The following CCDC141 variants were observed in gnomAD, a reference collection of about 807,000 sequenced individuals.
CCDC141 encodes coiled-coil domain-containing protein 141.
Under a neutral mutation model 181.0 loss-of-function variants are expected in CCDC141, and 168 were observed. The observed-to-expected ratio is 0.93, with a 90% CI of 0.82 to 1.05. The LOEUF (loss-of-function observed/expected upper bound fraction) is 1.05, where lower values mean the gene tolerates loss of function less well. Among genes scored for constraint, CCDC141 ranks in the 50% least tolerant of loss-of-function variants. CCDC141 has a pLI of 0.00. For synonymous variants in CCDC141, 666 were observed against 642.3 expected, an observed-to-expected ratio of 1.04 and a Z score of -0.56; for missense variants, 1,902 against 1,788.5, an observed-to-expected ratio of 1.06 and a Z score of -1.14.
intron 12 of CCDC141, among the ~76,000 whole-genome samples, chr2:178,872,686 C>T (rs1042604013): frequency 1.3e-5 from 2 of 152,164 alleles, no homozygotes; most frequent in African/African-American, 4.8e-5. Context: ...TTAACATGCT[C>T]ATTGGAATAC....
rs1429178522 is a variant in CCDC141 at position 178,871,461 on chromosome 2, C to T, written c.2171G>A (p.Arg724Gln). The T allele has an allele frequency of 3.7e-6, 6 of 1,613,048 alleles. No individual in the cohort carries two copies. Among genetic ancestry groups the T allele is most frequent in the Non-Finnish European group, 4.2e-6 (5 of 1,179,558 alleles). The part of the protein sequence containing the change: ...GGSLQFILDL[R>Q]QKWNDMKPQF... ...AGGCTTCATGTCATTCCATTTTTGT[C>T]GTAGATCTAAAATGAACTGGAGGCT... Residue 724 changes from arginine (R) to glutamine (Q), a missense_variant, in exon 14 of 24, where the codon CGA (arginine) becomes CAA (glutamine). Arg to Gln is a conservative substitution (Grantham distance 43, BLOSUM62 1). Transcript: ENST00000443758.
At chr2:179,026,642 G>A (rs113057939) in intron 2 of CCDC141, among the ~76,000 whole-genome samples, 5,065 of 152,316 alleles carry the variant, frequency 0.033, 96 homozygotes, top group South Asian at 0.058. Flanking sequence ...TGTGAGAAGA[G>A]TGCCAGTCTC....
chr2:178,831,462 CT>C lies in CCDC141; in HGVS notation c.*2710del, dbSNP rs1207531221. 1 of 152,128 alleles carries C rather than the reference CT, an allele frequency of 6.6e-6. No individual in the cohort carries two copies. The highest frequency in any genetic ancestry group is 1.5e-5 in the Non-Finnish European group (1 of 68,016). The allele number at this position is 152,128 out of a possible 1,614,324, so 9.4% of individuals were successfully genotyped here. A position where few individuals can be genotyped will look rare whatever the true frequency, so the allele number is the denominator to read the frequency against. Reference sequence around the variant, plus strand: ...AGCTGTAACACATGTAATTTTTAAACTTTCTTTTCATTTTAGTTTTCTTGTT... The same window carrying C: ...AGCTGTAACACATGTAATTTTTAAACTTCTTTTCATTTTAGTTTTCTTGTT... On this transcript the variant is annotated 3_prime_UTR_variant, in exon 24 of 24. Coordinates refer to ENST00000443758, the MANE Select transcript of CCDC141 (RefSeq NM_173648.4).
At chr2:178,885,250 A>G (rs550454353) in intron 10 of CCDC141, among the ~76,000 whole-genome samples, 158 bp from the exon 11 acceptor site, 111 of 152,196 alleles carry the variant, frequency 7.3e-4, no homozygotes, top group African/African-American at 2.6e-3. Context: ...ATTCTAAAAA[A>G]AAAAAAAAGG....
chr2:179,019,291 G>T (rs561997988), intron 2 of CCDC141, among the ~76,000 whole-genome samples: 3 of 151,966 alleles, frequency 2.0e-5, no homozygotes, highest in African/African-American at 7.3e-5. Context: ...CACGGTCTAC[G>T]TTGCTGATAA....
At chr2:178,972,622 A>T (rs913081702) in intron 4 of CCDC141, among the ~76,000 whole-genome samples, 1 of 152,156 alleles carries the variant, frequency 6.6e-6, no homozygotes. Context: ...GTGTTTAATT[A>T]TGTGTTTTGG....
chr2:179,046,271 T>A (rs1347539103), intron 2 of CCDC141, among the ~76,000 whole-genome samples: 2 of 152,256 alleles, frequency 1.3e-5, no homozygotes, highest in African/African-American at 4.8e-5. Context: ...TTCCTCAGAA[T>A]GGAACACCAT....
chr2:178,989,044 A>G lies in CCDC141; in HGVS notation c.226-10369T>C, dbSNP rs150975951. ...CTCAATGTAAAAGCTAAAACTATAA[A>G]ATTTTTAGAAGAATTTTGTAAGTAA... On this transcript the variant is annotated intron_variant, in intron 2 of 23. Coordinates refer to ENST00000443758, the MANE Select transcript of CCDC141 (RefSeq NM_173648.4). Among the ~76,000 whole-genome samples the G allele has an allele frequency of 1.8e-3, 267 of 152,308 alleles. 4 individuals are homozygous for G. In the South Asian group the frequency reaches 0.022, roughly 13 times the overall value.
In CCDC141 at chr2:178,987,860, C is replaced by T. The variant is rs62179082; in HGVS notation, c.226-9185G>A. 6.6e-3 allele frequency among the ~76,000 whole-genome samples: 969 copies of T among 146,914 alleles called. 3 individuals carry two copies. The highest frequency in any genetic ancestry group is 0.011 in the Non-Finnish European group (725 of 67,038). On this transcript the variant is annotated intron_variant, in intron 2 of 23. Transcript: ENST00000443758. ...ATGTGGAGAAATAGGAACACTTTTA[C>T]ACTGTTGGTGGGACTGTAAACTAGT...
At chr2:178,849,223 T>G (rs1051615048) in intron 21 of CCDC141, among the ~76,000 whole-genome samples, 2 of 152,158 alleles carry the variant, frequency 1.3e-5, no homozygotes, top group African/African-American at 2.4e-5. Flanking sequence ...CAATAACAAT[T>G]ATCACAACAA....
intron 2 of CCDC141, among the ~76,000 whole-genome samples, chr2:179,003,672 A>G (rs1015344179): frequency 6.6e-5 from 10 of 152,284 alleles, no homozygotes; most frequent in African/African-American, 2.4e-4. Context: ...CTAAGTGGAC[A>G]CCATACCCAC....
intron 2 of CCDC141, among the ~76,000 whole-genome samples, chr2:178,990,911 A>G (rs1482699972): frequency 6.6e-6 from 1 of 152,134 alleles, no homozygotes; most frequent in Non-Finnish European, 1.5e-5. Flanking sequence ...AGGTGATCAT[A>G]TGAATTGGGT....
chr2:178,972,530 G>T (rs182961960), intron 4 of CCDC141, among the ~76,000 whole-genome samples: 141 of 152,290 alleles, frequency 9.3e-4, no homozygotes, highest in African/African-American at 3.3e-3. Flanking sequence ...CTGCTAAACT[G>T]CAGGCTTCCT....
chr2:178,944,450 C>A (rs938416635), intron 6 of CCDC141, 85 bp downstream of exon 6: 7 of 534,594 alleles, frequency 1.3e-5, no homozygotes, highest in African/African-American at 9.8e-5. Context: ...GTTCTCAGTT[C>A]TCCTCTAAAT....
At chr2:178,880,895 G>A (rs977698195) in intron 11 of CCDC141, among the ~76,000 whole-genome samples, 6 of 152,210 alleles carry the variant, frequency 3.9e-5, no homozygotes, top group African/African-American at 1.4e-4. Flanking sequence ...AAGCATATTT[G>A]AGGAAAAGAC....
chr2:178,858,050 A>T (rs951671194), intron 17 of CCDC141, among the ~76,000 whole-genome samples: 1 of 152,136 alleles, frequency 6.6e-6, no homozygotes, highest in Admixed American at 6.5e-5. Flanking sequence ...ACATATACTT[A>T]ATCAGTGTTG....
chr2:178,834,119 C>T lies in CCDC141; in HGVS notation c.*54G>A, dbSNP rs994775801. 4.2e-5 allele frequency: 64 copies of T among 1,509,006 alleles called. No individual in the cohort carries two copies. Among genetic ancestry groups the T allele is most frequent in the Middle Eastern group, 2.0e-4 (1 of 5,098 alleles). 93.5% of individuals were successfully genotyped at this position (1,509,006 alleles called of 1,614,324 possible). On this transcript the variant is annotated 3_prime_UTR_variant, in exon 24 of 24. Coordinates refer to ENST00000443758, the MANE Select transcript of CCDC141 (RefSeq NM_173648.4). ...GCAGGAGGTGCAGGAAGATAAACGG[C>T]GGCACTTTTCTTTAGGCACATGAGA...
intron 13 of CCDC141, among the ~76,000 whole-genome samples, 185 bp downstream of exon 13, chr2:178,871,948 T>C (rs1206567532): frequency 6.6e-6 from 1 of 152,206 alleles, no homozygotes; most frequent in African/African-American, 2.4e-5. Context: ...CAGTCCCTGG[T>C]AACCTACATT....
intron 3 of CCDC141, among the ~76,000 whole-genome samples, chr2:178,976,017 C>T (rs1486835028): frequency 6.6e-6 from 1 of 152,116 alleles, no homozygotes; most frequent in Non-Finnish European, 1.5e-5. Flanking sequence ...TATAACTGGT[C>T]TGTCTTTTTT....
Sources: gnomAD v4.1 joint callset for allele counts (sites outside exome capture counted in the v4.1 genomes callset) on GRCh38, gnomAD v4.1.1 for gene constraint, MANE v1.5 for transcripts, NCBI Gene and HGNC (gene_info 2026-07-23, HGNC 2026-07-21) for gene names.